The following TMPRSS7 variants were observed in gnomAD, a reference collection of about 807,000 sequenced individuals.
The protein encoded by TMPRSS7 is transmembrane serine protease 7.
A neutral mutation model predicts 95.6 loss-of-function variants in TMPRSS7; 81 were observed. The ratio of observed to expected loss-of-function variants is 0.85; its 90% confidence interval spans 0.71 to 1.02. TMPRSS7 has a LOEUF of 1.02. TMPRSS7 is among the 50% of genes least tolerant of loss of function. The probability of loss-of-function intolerance (pLI) is 0.00; values close to 1 mark genes in which losing one functional copy is unlikely to be tolerated. For synonymous variants in TMPRSS7, 364 were observed against 337.8 expected (o/e 1.08, Z -0.85); for missense variants, 945 against 955.2 (o/e 0.99, Z 0.14).
intron 1 of TMPRSS7, 66 bp downstream of exon 1, chr3:112,034,959 T>C: frequency 1.4e-6 from 1 of 700,530 alleles, no homozygotes; most frequent in Admixed American, 2.0e-5. Context: ...GTTAGTAAAA[T>C]GAGATTGTAT....
At chr3:112,040,263 C>T (rs2073192482) in intron 2 of TMPRSS7, among the ~76,000 whole-genome samples, 1 of 152,180 alleles carries the variant, frequency 6.6e-6, no homozygotes, top group Non-Finnish European at 1.5e-5. Context: ...GATGCATCTC[C>T]TACCTTCAGA....
At chr3:112,078,524 TTG>T (rs1273555208) in intron 16 of TMPRSS7, among the ~76,000 whole-genome samples, 1 of 152,204 alleles carries the variant, frequency 6.6e-6, no homozygotes, top group Non-Finnish European at 1.5e-5. Context: ...GGTCTGAATC[TTG>T]TGTTACTTGC....
At chr3:112,040,938 T>C (rs938348627) in intron 2 of TMPRSS7, among the ~76,000 whole-genome samples, 7 of 152,132 alleles carry the variant, frequency 4.6e-5, no homozygotes, top group African/African-American at 1.2e-4. Context: ...TAGGTAAATG[T>C]AGTCTGATTG....
At chr3:112,059,603 T>C (rs1349749594) in intron 10 of TMPRSS7, among the ~76,000 whole-genome samples, 1 of 152,236 alleles carries the variant, frequency 6.6e-6, no homozygotes, top group Non-Finnish European at 1.5e-5. Flanking sequence ...GATCTCAAGA[T>C]GGCCAACTCT....
intron 13 of TMPRSS7, among the ~76,000 whole-genome samples, chr3:112,068,938 A>G (rs2073609438): frequency 6.6e-6 from 1 of 152,208 alleles, no homozygotes; most frequent in African/African-American, 2.4e-5. Flanking sequence ...TTGCCCATTC[A>G]GTATGATATT....
At chr3:112,061,831 C>T (rs372885822) in exon 11 of TMPRSS7, 1 of 1,612,316 alleles carries the variant, frequency 6.2e-7, no homozygotes, top group African/African-American at 1.3e-5. Context: ...TTTCGAGTGC[C>T]CAGCCCTCTG....
intron 10 of TMPRSS7, among the ~76,000 whole-genome samples, chr3:112,058,673 T>C (rs937824919): frequency 1.3e-5 from 2 of 152,198 alleles, no homozygotes; most frequent in Admixed American, 6.5e-5. Flanking sequence ...AAACAAATCT[T>C]TACAAATCTT....
intron 17 of TMPRSS7, among the ~76,000 whole-genome samples, chr3:112,080,526 T>TCACTACTACTACTACTACTAC (rs1207868145): frequency 1.5e-5 from 2 of 131,886 alleles, no homozygotes; most frequent in Non-Finnish European, 3.4e-5. Context: ...ATTTTAGCCC[T>TCACTACTACTACTACTACTAC]CACTACTACT....
intron 13 of TMPRSS7, among the ~76,000 whole-genome samples, chr3:112,068,111 G>A (rs1468305508): frequency 6.6e-6 from 1 of 152,130 alleles, no homozygotes; most frequent in East Asian, 1.9e-4. Context: ...TTTTTGTCAG[G>A]TTTGTCAAAG....
chr3:112,044,431 G>T (rs7650559), intron 4 of TMPRSS7, 109 bp downstream of exon 4: 865,849 of 920,268 alleles, frequency 0.94, 410,039 homozygotes, highest in East Asian at 1. Flanking sequence ...CTTGGAAGTG[G>T]TTGGGGATTC....
At chr3:112,049,461 T>C (rs1304543865) in intron 7 of TMPRSS7, among the ~76,000 whole-genome samples, 1 of 152,210 alleles carries the variant, frequency 6.6e-6, no homozygotes, top group Non-Finnish European at 1.5e-5. Flanking sequence ...AACTGGTGCT[T>C]ACAAAGATTT....
At chr3:112,076,755 A>G (rs1038741448) in intron 15 of TMPRSS7, 121 bp from the exon 16 acceptor site, 1 of 1,199,636 alleles carries the variant, frequency 8.3e-7, no homozygotes, top group African/African-American at 1.5e-5. Flanking sequence ...GCCAGTGACT[A>G]TAATAACACC....
chr3:112,057,468 TAG>T (rs1211658716), intron 10 of TMPRSS7, among the ~76,000 whole-genome samples: 2 of 152,152 alleles, frequency 1.3e-5, no homozygotes, highest in African/African-American at 4.8e-5. Context: ...AAAAAAATGT[TAG>T]AGACCATTGA....
In TMPRSS7 at chr3:112,050,676, G is replaced by T. The variant is rs762828871; in HGVS notation, c.1096G>T (p.Glu366Ter). 6.3e-7 allele frequency: 1 copy of T among 1,589,578 alleles called. No individual in the cohort carries two copies. The change falls in exon 9 of 18, where the codon GAA (glutamate) becomes TAA (stop). Residue 366 changes from glutamate to a stop codon, truncating the protein, a stop_gained. Coordinates refer to ENST00000452346, the Ensembl canonical transcript of TMPRSS7. LOFTEE classifies it high-confidence loss of function. ...TCACTGGGTATCTTTTCCAGAGTGT[G>T]AAAACACAGTGTTGGTCAAAGACAT...
At chr3:112,078,298 G>T (rs2073737434) in intron 16 of TMPRSS7, among the ~76,000 whole-genome samples, 2 of 152,190 alleles carry the variant, frequency 1.3e-5, no homozygotes, top group African/African-American at 4.8e-5. Flanking sequence ...TCTTAGCCAG[G>T]TAGGTTCAAA....
At chr3:112,066,597 C>A (rs1467990673) in intron 13 of TMPRSS7, 95 bp downstream of exon 13, 22 of 1,104,342 alleles carry the variant, frequency 2.0e-5, no homozygotes, top group Non-Finnish European at 2.9e-5. Flanking sequence ...TTAGGGCAAT[C>A]AACTTGTCCC....
intron 13 of TMPRSS7, among the ~76,000 whole-genome samples, chr3:112,067,279 G>A (rs560443869): frequency 5.3e-5 from 8 of 152,128 alleles, no homozygotes; most frequent in Admixed American, 2.0e-4. Flanking sequence ...GAATAGTGCC[G>A]CAATAAACAT....
intron 3 of TMPRSS7, 30 bp downstream of exon 3, chr3:112,042,080 G>T (rs1296788944): frequency 6.5e-7 from 1 of 1,538,712 alleles, no homozygotes; most frequent in Admixed American, 2.0e-5. Flanking sequence ...GGGTATTAGG[G>T]TAGAGTGGGT....
chr3:112,053,107 T>G (rs2073382668), intron 9 of TMPRSS7, among the ~76,000 whole-genome samples: 1 of 151,908 alleles, frequency 6.6e-6, no homozygotes, highest in Non-Finnish European at 1.5e-5. Context: ...TTTGAAAACA[T>G]CAGGGCATGT....
Sources: gnomAD v4.1 joint callset for allele counts (sites outside exome capture counted in the v4.1 genomes callset) on GRCh38, gnomAD v4.1.1 for gene constraint, MANE v1.5 for transcripts, NCBI Gene and HGNC (gene_info 2026-07-23, HGNC 2026-07-21) for gene names.